FGF14: variants seen among roughly 807,000 people sequenced by gnomAD.
The protein encoded by FGF14 is fibroblast growth factor homologous factor 4.
In FGF14, 5 loss-of-function variants were observed where a neutral mutation model predicts 25.5. The observed-to-expected ratio is 0.20, with a 90% CI of 0.10 to 0.41. FGF14 has a LOEUF of 0.41. Among genes scored for constraint, FGF14 ranks in the 10% least tolerant of loss-of-function variants. The pLI is 1.00. For synonymous variants in FGF14, 138 were observed against 118.3 expected (o/e 1.17, Z -1.08); for missense variants, 222 against 320.1 (o/e 0.69, Z 2.34).
chr13:101,731,215 T>TGAAAC (rs1301377752), intron 3 of FGF14, among the ~76,000 whole-genome samples: 1 of 152,174 alleles, frequency 6.6e-6, no homozygotes, highest in African/African-American at 2.4e-5. Context: ...ATTGTGCCAG[T>TGAAAC]GAAACACTCT....
chr13:102,084,118 G>T (rs2043772856), intron 1 of FGF14, among the ~76,000 whole-genome samples: 1 of 151,812 alleles, frequency 6.6e-6, no homozygotes, highest in Non-Finnish European at 1.5e-5. Context: ...CTCATATTCA[G>T]AAGGTGAAGT....
At chr13:102,401,079 C>G (rs1446344111) in intron 1 of FGF14, among the ~76,000 whole-genome samples, 1 of 152,116 alleles carries the variant, frequency 6.6e-6, no homozygotes, top group South Asian at 2.1e-4. Flanking sequence ...CTACGTCCCT[C>G]GAACCTGCTG....
intron 1 of FGF14, among the ~76,000 whole-genome samples, chr13:102,359,133 A>C (rs985928916): frequency 6.6e-6 from 1 of 152,102 alleles, no homozygotes; most frequent in African/African-American, 2.4e-5. Flanking sequence ...ACACATTGGC[A>C]CAGGGAAGGG....
intron 1 of FGF14, among the ~76,000 whole-genome samples, chr13:102,051,720 C>T (rs115035513): frequency 8.8e-4 from 134 of 152,230 alleles, no homozygotes; most frequent in African/African-American, 3.0e-3. Context: ...AACTGCTGCA[C>T]CACAACCAGC....
At chr13:102,265,440 T>TATA (rs1262033778) in intron 1 of FGF14, among the ~76,000 whole-genome samples, 14 of 151,926 alleles carry the variant, frequency 9.2e-5, no homozygotes, top group African/African-American at 3.1e-4. Flanking sequence ...CGCATCTGAA[T>TATA]ATAATTCAAG....
chr13:102,090,646 C>T (rs560357079), intron 1 of FGF14, among the ~76,000 whole-genome samples: 34 of 152,316 alleles, frequency 2.2e-4, no homozygotes, highest in Admixed American at 5.9e-4. Flanking sequence ...AAGTAGGCCA[C>T]GTCCTCTGCG....
At chr13:101,963,290 G>A (rs754834778) in intron 1 of FGF14, among the ~76,000 whole-genome samples, 4 of 151,744 alleles carry the variant, frequency 2.6e-5, no homozygotes, top group Non-Finnish European at 4.4e-5. Context: ...ATTTATCTAG[G>A]GAGTGCCCCA....
At chr13:102,228,317 T>C (rs1041831053) in intron 1 of FGF14, among the ~76,000 whole-genome samples, 3 of 152,144 alleles carry the variant, frequency 2.0e-5, no homozygotes, top group Admixed American at 2.0e-4. Context: ...GGGGTGCCAT[T>C]TAGGAAATGG....
chr13:102,116,390 G>A, intron 1 of FGF14, among the ~76,000 whole-genome samples: 1 of 151,954 alleles, frequency 6.6e-6, no homozygotes, highest in Non-Finnish European at 1.5e-5. Context: ...GTGTGTGCAT[G>A]TGTATATATG....
rs570079067 is a variant in FGF14 at position 102,088,686 on chromosome 13, ATAATC to A, written c.209-213395_209-213391del. ...GAAAAATATATAGATTTAAAATTCTATAATCTAACATTTAGACATATATATCTAAT... is the reference window on the plus strand; with the variant it reads ...GAAAAATATATAGATTTAAAATTCTATAACATTTAGACATATATATCTAAT... On this transcript the variant is annotated intron_variant, in intron 1 of 4. Transcript: ENST00000376131. Among the ~76,000 whole-genome samples the A allele has an allele frequency of 2.0e-5, 3 of 152,334 alleles. No homozygotes were observed. In the South Asian group the frequency reaches 6.2e-4, roughly 32 times the overall value.
chr13:102,252,934 C>A (rs1363560675), intron 1 of FGF14, among the ~76,000 whole-genome samples: 1 of 152,110 alleles, frequency 6.6e-6, no homozygotes, highest in African/African-American at 2.4e-5. Flanking sequence ...GTTTTCTGTT[C>A]TTGTATTAGT....
At chr13:102,038,231 T>C (rs1322978440) in intron 1 of FGF14, among the ~76,000 whole-genome samples, 2 of 152,162 alleles carry the variant, frequency 1.3e-5, no homozygotes, top group Non-Finnish European at 2.9e-5. Context: ...TAAAAGTATC[T>C]TAACTTCTTT....
intron 1 of FGF14, among the ~76,000 whole-genome samples, chr13:102,134,048 T>G (rs1364772589): frequency 6.6e-6 from 1 of 152,198 alleles, no homozygotes; most frequent in Non-Finnish European, 1.5e-5. Context: ...TTTATTACAT[T>G]AAAACACATA....
At chr13:102,356,587 G>T (rs1271932590) in intron 1 of FGF14, among the ~76,000 whole-genome samples, 1 of 152,116 alleles carries the variant, frequency 6.6e-6, no homozygotes, top group Non-Finnish European at 1.5e-5. Context: ...AGATCTGATG[G>T]TCTAAGAGGC....
At chr13:102,117,135 AC>A (rs540060373) in intron 1 of FGF14, among the ~76,000 whole-genome samples, 181 of 152,042 alleles carry the variant, frequency 1.2e-3, no homozygotes, top group Middle Eastern at 0.01. Context: ...TTTTCTCCTT[AC>A]CTAGCTTGCC....
chr13:101,977,139 C>T (rs2037976341), intron 1 of FGF14, among the ~76,000 whole-genome samples: 1 of 152,060 alleles, frequency 6.6e-6, no homozygotes, highest in African/African-American at 2.4e-5. Context: ...CACATAACTA[C>T]CAATCAGATC....
Position 102,059,800 on chromosome 13 carries a change from G to A in FGF14, c.209-184504C>T, listed in dbSNP as rs2042596064. Among the ~76,000 whole-genome samples, 3 of 151,442 alleles carry A rather than the reference G, an allele frequency of 2.0e-5. No homozygotes were observed. The South Asian group carries it at 6.2e-4, about 32-fold the overall frequency. Reference sequence around the variant, plus strand: ...CGGGAGATGGAGGTTGCAGCGAGCCGAGATCGCACCATTGCACTCCAGCCT... The same window carrying A: ...CGGGAGATGGAGGTTGCAGCGAGCCAAGATCGCACCATTGCACTCCAGCCT... On this transcript the variant is annotated intron_variant, in intron 1 of 4. Transcript: ENST00000376131.
At chr13:102,354,783 T>G (rs576935862) in intron 1 of FGF14, among the ~76,000 whole-genome samples, 22 of 152,326 alleles carry the variant, frequency 1.4e-4, no homozygotes, top group African/African-American at 4.8e-4. Flanking sequence ...AAGAATCATT[T>G]GCACTTCCCT....
chr13:102,043,228 A>G (rs2041826368), intron 1 of FGF14, among the ~76,000 whole-genome samples: 3 of 152,324 alleles, frequency 2.0e-5, no homozygotes, highest in South Asian at 4.1e-4. Flanking sequence ...ATTAAATAAC[A>G]CAATCCGGAT....
Sources: allele counts gnomAD v4.1 joint callset (sites outside exome capture counted in the v4.1 genomes callset), GRCh38; gene constraint gnomAD v4.1.1; transcripts MANE v1.5; gene names NCBI Gene and HGNC (gene_info 2026-07-23, HGNC 2026-07-21).